STAU1: variants seen among roughly 807,000 people sequenced by gnomAD.
STAU1 encodes staufen double-stranded RNA binding protein 1, also known as double-stranded RNA-binding protein Staufen homolog 1.
Under a neutral mutation model 62.9 loss-of-function variants are expected in STAU1, and 13 were observed. That is an observed-to-expected ratio of 0.21 (90% CI 0.13 to 0.33). STAU1 has a LOEUF of 0.33. STAU1 is among the 10% of genes least tolerant of loss of function. STAU1 has a pLI of 1.00. For synonymous variants in STAU1, 269 were observed against 265.1 expected (o/e 1.01, Z -0.14); for missense variants, 571 against 712.1 (o/e 0.80, Z 2.25).
In STAU1 at chr20:49,120,513, T is replaced by C. The variant is rs75702226; in HGVS notation, c.967-385A>G. The stretch of plus-strand genomic sequence containing the variant: ...CCATTGGAAGTATCACTTTGAGAGC[T>C]TGAAATCAGCCATGGTGGGACTATT... On this transcript the variant is annotated intron_variant, in intron 8 of 13. Transcript: ENST00000371856. 3.7e-3 allele frequency among the ~76,000 whole-genome samples: 570 copies of C among 152,316 alleles called. 2 individuals carry two copies. The highest frequency in any genetic ancestry group is 6.8e-3 in the Non-Finnish European group (466 of 68,032).
chr20:49,126,529 C>T (rs2092617027), intron 6 of STAU1, among the ~76,000 whole-genome samples: 1 of 129,852 alleles, frequency 7.7e-6, no homozygotes, highest in African/African-American at 3.0e-5. Context: ...GATCACACAA[C>T]TGCACCCCAG....
At position 49,124,438 on chromosome 20, in the gene STAU1, C is replaced by T. The variant is rs761688611; in HGVS notation, c.759G>A (p.Pro253=). 9 of 1,614,174 alleles carry T rather than the reference C, an allele frequency of 5.6e-6. No homozygotes were observed. The highest frequency in any genetic ancestry group is 1.7e-5 in the Admixed American group (1 of 60,016). The part of the protein sequence containing the change: ...IAVLEELKKL[P]PLPAVERVKP... ...TTACTCGTTCAACTGCAGGCAGGGGCGGTAACTTCTTCAGCTCCTCAAGAA... is the reference window on the plus strand; with the variant it reads ...TTACTCGTTCAACTGCAGGCAGGGGTGGTAACTTCTTCAGCTCCTCAAGAA... The change falls in exon 7 of 14, where the codon CCG becomes CCA. Residue 253 remains proline (P), a synonymous_variant. Coordinates refer to ENST00000371856, the MANE Select transcript of STAU1 (RefSeq NM_017453.4).
chr20:49,126,588 C>CAAAAAAAAAACAAA (rs1555837251), intron 6 of STAU1, among the ~76,000 whole-genome samples: 3 of 56,344 alleles, frequency 5.3e-5, no homozygotes, highest in Non-Finnish European at 1.1e-4. Flanking sequence ...AAAAAAAAAA[C>CAAAAAAAAAACAAA]AAAAAAAAAA....
In STAU1 at chr20:49,139,162, G is replaced by C. The variant is rs76562241; in HGVS notation, c.511-3231C>G. Among the ~76,000 whole-genome samples, 279 of 152,268 alleles carry C rather than the reference G, an allele frequency of 1.8e-3. 15 individuals carry two copies. The South Asian group carries it at 0.039, about 21-fold the overall frequency. The stretch of plus-strand genomic sequence containing the variant: ...CTAGATGAAAACATAGGGGAAAAGT[G>C]TTATGACACCATCTGGTGATTTCTT... On this transcript the variant is annotated intron_variant, in intron 5 of 13. Transcript: ENST00000371856.
chr20:49,218,690 T>C, the STAU1 span, among the ~76,000 whole-genome samples: 2 of 150,344 alleles, frequency 1.3e-5, no homozygotes, highest in Admixed American at 1.3e-4. Context: ...TTGCCTGGTC[T>C]TGATTTTTAT....
chr20:49,194,519 G>A, the STAU1 span, among the ~76,000 whole-genome samples: 18 of 151,874 alleles, frequency 1.2e-4, no homozygotes, highest in Non-Finnish European at 2.5e-4. Context: ...AGCACTGTGG[G>A]AGGCCAAGGT....
intron 5 of STAU1, among the ~76,000 whole-genome samples, chr20:49,142,200 C>T (rs549032180): frequency 6.6e-6 from 1 of 152,246 alleles, no homozygotes; most frequent in South Asian, 2.1e-4. Context: ...GATTCTCCTG[C>T]CTCAGCCTCC....
chr20:49,136,947 C>T (rs528895386), intron 5 of STAU1, among the ~76,000 whole-genome samples: 151 of 152,184 alleles, frequency 9.9e-4, no homozygotes, highest in Non-Finnish European at 1.9e-3. Context: ...CCACCCACCT[C>T]GGCTCCCAAA....
chr20:49,196,826 T>G, the STAU1 span, among the ~76,000 whole-genome samples: 1 of 148,098 alleles, frequency 6.8e-6, no homozygotes, highest in Non-Finnish European at 1.5e-5. Flanking sequence ...TCAAGGATAT[T>G]AACAGAAGCA....
At chr20:49,166,440 G>A (rs2093527683) in intron 2 of STAU1, among the ~76,000 whole-genome samples, 155 bp from the exon 3 acceptor site, 1 of 152,094 alleles carries the variant, frequency 6.6e-6, no homozygotes, top group Non-Finnish European at 1.5e-5. Context: ...GTTTCTCCTT[G>A]GTATACAGTA....
At chr20:49,187,666 G>A (rs1043621982) in intron 1 of STAU1, among the ~76,000 whole-genome samples, 8 of 152,004 alleles carry the variant, frequency 5.3e-5, no homozygotes, top group African/African-American at 1.9e-4. Flanking sequence ...GGGCAGAGCC[G>A]GGTTCGGCAC....
At chr20:49,167,645 C>G (rs2093544135) in intron 2 of STAU1, among the ~76,000 whole-genome samples, 1 of 152,160 alleles carries the variant, frequency 6.6e-6, no homozygotes, top group Non-Finnish European at 1.5e-5. Context: ...TCGCCAGTGT[C>G]AAGAAACAAG....
At chr20:49,144,883 T>C (rs2093092097) in intron 5 of STAU1, among the ~76,000 whole-genome samples, 1 of 152,148 alleles carries the variant, frequency 6.6e-6, no homozygotes, top group African/African-American at 2.4e-5. Flanking sequence ...ATGAATAGTA[T>C]TGAAATAATT....
intron 3 of STAU1, among the ~76,000 whole-genome samples, chr20:49,157,593 C>G (rs1174856483): frequency 3.3e-5 from 5 of 152,110 alleles, no homozygotes; most frequent in African/African-American, 1.2e-4. Context: ...GATTCTCCTG[C>G]CTCAGCCTCC....
intron 6 of STAU1, among the ~76,000 whole-genome samples, chr20:49,126,592 A>AAAAAAACAAAACAAAACAAAAC (rs1211002497): frequency 5.8e-5 from 8 of 139,024 alleles, no homozygotes; most frequent in East Asian, 4.1e-4. Context: ...AAAAAACAAA[A>AAAAAAACAAAACAAAACAAAAC]AAAAAACAAA....
chr20:49,163,482 G>A (rs1431900927), intron 3 of STAU1, among the ~76,000 whole-genome samples: 1 of 138,592 alleles, frequency 7.2e-6, no homozygotes, highest in Non-Finnish European at 1.5e-5. Flanking sequence ...CTGGAGTGCG[G>A]TGACATGATC....
At chr20:49,129,680 G>A (rs2092711315) in intron 6 of STAU1, among the ~76,000 whole-genome samples, 1 of 146,502 alleles carries the variant, frequency 6.8e-6, no homozygotes. Context: ...TGTCGCCCAG[G>A]TTGGAGTGCA....
At chr20:49,214,595 C>T in the STAU1 span, among the ~76,000 whole-genome samples, 1 of 151,910 alleles carries the variant, frequency 6.6e-6, no homozygotes, top group South Asian at 2.1e-4. Context: ...TCAAACAGAC[C>T]TAGAGTCAAA....
chr20:49,143,177 CA>C (rs1284417405), intron 5 of STAU1, among the ~76,000 whole-genome samples: 1 of 152,144 alleles, frequency 6.6e-6, no homozygotes, highest in Non-Finnish European at 1.5e-5. Flanking sequence ...AACTAATCTA[CA>C]AAAACCATTC....
Sources: allele counts gnomAD v4.1 joint callset (sites outside exome capture counted in the v4.1 genomes callset), GRCh38; gene constraint gnomAD v4.1.1; transcripts MANE v1.5; gene names NCBI Gene and HGNC (gene_info 2026-07-23, HGNC 2026-07-21).